FHOD3: variants seen among roughly 807,000 people sequenced by gnomAD.
The protein encoded by FHOD3 is FH1/FH2 domain-containing protein 3.
In FHOD3, 90 loss-of-function variants were observed where a neutral mutation model predicts 173.0. The observed-to-expected ratio is 0.52, with a 90% CI of 0.44 to 0.62. FHOD3 has a LOEUF of 0.62. Among genes scored for constraint, FHOD3 ranks in the 20% least tolerant of loss-of-function variants. The pLI is 0.00. For synonymous variants in FHOD3, 828 were observed against 823.0 expected, an observed-to-expected ratio of 1.01 and a Z score of -0.10; for missense variants, 1,945 against 2,034.7, an observed-to-expected ratio of 0.96 and a Z score of 0.85.
At chr18:36,312,843 ATATT>A (rs1349196317) in intron 1 of FHOD3, among the ~76,000 whole-genome samples, 47 of 152,326 alleles carry the variant, frequency 3.1e-4, no homozygotes, top group African/African-American at 1.0e-3. Context: ...TCAAACAATC[ATATT>A]TATTATCTCT....
At chr18:36,390,893 C>A (rs1191528933) in intron 3 of FHOD3, among the ~76,000 whole-genome samples, 1 of 152,180 alleles carries the variant, frequency 6.6e-6, no homozygotes, top group African/African-American at 2.4e-5. Context: ...CACCTGTAAT[C>A]CGTAAATGAA....
intron 5 of FHOD3, among the ~76,000 whole-genome samples, chr18:36,520,279 CTTAAGTATAAG>C (rs2056209859): frequency 6.6e-6 from 1 of 152,084 alleles, no homozygotes; most frequent in East Asian, 1.9e-4. Context: ...TGTAATTTTT[CTTAAGTATAAG>C]TTAATTATGA....
chr18:36,563,717 A>G (rs996369141), intron 5 of FHOD3, among the ~76,000 whole-genome samples: 2 of 152,162 alleles, frequency 1.3e-5, no homozygotes, highest in Non-Finnish European at 1.5e-5. Flanking sequence ...AGCAAAAATC[A>G]GGGGAACTAT....
chr18:36,375,686 A>G (rs2047405893), intron 3 of FHOD3, among the ~76,000 whole-genome samples: 2 of 152,190 alleles, frequency 1.3e-5, no homozygotes, highest in South Asian at 4.1e-4. Flanking sequence ...TTAGCAGCCC[A>G]GCAACCCTCA....
rs374333481 is a variant in FHOD3, at chr18:36,460,506, T to C, written c.338-41426T>C. On this transcript the variant is annotated intron_variant, in intron 3 of 28. Transcript: ENST00000590592. ...GTGATGTGCTAACCCGGAGGTCCTT[T>C]TTCCAGGGAGCATTACTGTAAGCTG... Among the ~76,000 whole-genome samples, 20 of 152,322 alleles carry C rather than the reference T, an allele frequency of 1.3e-4. No homozygotes were observed. In the East Asian group the frequency reaches 2.5e-3, roughly 19 times the overall value.
At chr18:36,402,652 T>C (rs1266475635) in intron 3 of FHOD3, among the ~76,000 whole-genome samples, 1 of 152,122 alleles carries the variant, frequency 6.6e-6, no homozygotes, top group Non-Finnish European at 1.5e-5. Context: ...TCCAGTGCTC[T>C]TTCCCTGACA....
rs368006151 is a variant in FHOD3, at chr18:36,625,672, C to T, written c.1119C>T (p.Thr373=). 4 of 1,612,244 alleles carry T rather than the reference C, an allele frequency of 2.5e-6. No individual in the cohort carries two copies. The African/African-American group carries it at 5.3e-5, about 22-fold the overall frequency. Residue 373 remains threonine, a synonymous_variant, in exon 10 of 29, where the codon ACC becomes ACT. Transcript: ENST00000590592. ...RRHSVQSIKS[T]LSAPTSPCSQ... is the part of the protein sequence containing the mutation. ...ACTCGGTGCAGAGCATCAAGAGCACCCTGTCGGCCCCCACCAGTCCCTGCT... is the reference window on the plus strand; with the variant it reads ...ACTCGGTGCAGAGCATCAAGAGCACTCTGTCGGCCCCCACCAGTCCCTGCT...
chr18:36,399,782 C>T (rs1829706884), intron 3 of FHOD3, among the ~76,000 whole-genome samples: 1 of 152,186 alleles, frequency 6.6e-6, no homozygotes, highest in Admixed American at 6.5e-5. Context: ...CCAGGATCAA[C>T]TGTTTATAGC....
At position 36,760,640 on chromosome 18, in the gene FHOD3, C is replaced by G; in HGVS notation, c.4482C>G (p.Pro1494=). The G allele has an allele frequency of 6.3e-7, 1 of 1,594,238 alleles. No homozygotes were observed. ...SGKFSGSSPA[P]PSQPQGLSYA... is the part of the protein sequence containing the mutation. ...AGTTCTCCGGCAGTTCTCCGGCGCCCCCAAGCCAGCCGCAGGGTCTGAGCT... is the reference window on the plus strand; with the variant it reads ...AGTTCTCCGGCAGTTCTCCGGCGCCGCCAAGCCAGCCGCAGGGTCTGAGCT... The change falls in exon 27 of 29, where the codon CCC becomes CCG. Residue 1494 remains proline (P), a synonymous_variant. Transcript: ENST00000590592.
At chr18:36,707,751 A>G (rs1221083062) in intron 17 of FHOD3, among the ~76,000 whole-genome samples, 2 of 152,140 alleles carry the variant, frequency 1.3e-5, no homozygotes, top group East Asian at 3.9e-4. Flanking sequence ...GTGCCGCAGG[A>G]TGCCTCCACA....
At chr18:36,610,689 T>A (rs985671019) in intron 8 of FHOD3, among the ~76,000 whole-genome samples, 1 of 152,246 alleles carries the variant, frequency 6.6e-6, no homozygotes, top group Non-Finnish European at 1.5e-5. Flanking sequence ...CCAACACTGA[T>A]AGCCCCAAGA....
chr18:36,361,759 G>A (rs186523798), intron 2 of FHOD3, among the ~76,000 whole-genome samples: 24 of 151,510 alleles, frequency 1.6e-4, no homozygotes, highest in Non-Finnish European at 1.5e-4. Flanking sequence ...AACCTGCAGC[G>A]TAGGCTCTCA....
chr18:36,311,491 T>C (rs773605195), intron 1 of FHOD3, among the ~76,000 whole-genome samples: 1 of 152,206 alleles, frequency 6.6e-6, no homozygotes, highest in Non-Finnish European at 1.5e-5. Context: ...CTTCGGACAG[T>C]AGCACCTCCC....
chr18:36,747,523 G>A (rs1201955990), intron 24 of FHOD3, among the ~76,000 whole-genome samples: 4 of 152,204 alleles, frequency 2.6e-5, no homozygotes, highest in African/African-American at 7.2e-5. Context: ...TACCTGATCT[G>A]CAGCTGGCCT....
At chr18:36,592,918 T>G (rs1045818884) in intron 6 of FHOD3, among the ~76,000 whole-genome samples, 9 of 151,892 alleles carry the variant, frequency 5.9e-5, no homozygotes, top group African/African-American at 1.9e-4. Flanking sequence ...AGGCCTGGAG[T>G]GCAATATTTA....
rs57041859 is a variant in FHOD3 at position 36,716,914 on chromosome 18, ATGTGTGTGTGTGTG to A, written c.2534-892_2534-879del. Among the ~76,000 whole-genome samples, 123 of 136,912 alleles carry A rather than the reference ATGTGTGTGTGTGTG, an allele frequency of 9.0e-4. 1 individual carries two copies. Among genetic ancestry groups the A allele is most frequent in the East Asian group, 6.4e-3 (29 of 4,512 alleles). The allele number at this position is 136,912 out of a possible 152,430, so 89.8% of individuals were successfully genotyped here. The stretch of plus-strand genomic sequence containing the variant: ...AAGACGGGGGAAATTATATATGTGT[ATGTGTGTGTGTGTG>A]TGTGTGTGTGTGTGTGTGTGTGTGT... On this transcript the variant is annotated intron_variant, in intron 18 of 28. Coordinates refer to ENST00000590592, the MANE Select transcript of FHOD3 (RefSeq NM_001281740.3).
intron 24 of FHOD3, among the ~76,000 whole-genome samples, chr18:36,754,298 T>C (rs1477392953): frequency 6.6e-6 from 1 of 152,266 alleles, no homozygotes. Context: ...TCAAAATTTT[T>C]TGTCTATAAA....
intron 1 of FHOD3, among the ~76,000 whole-genome samples, chr18:36,338,290 C>T (rs1167758642): frequency 6.6e-6 from 1 of 152,130 alleles, no homozygotes; most frequent in Non-Finnish European, 1.5e-5. Flanking sequence ...TACTTGGTAG[C>T]CTGTGCTTGG....
chr18:36,475,350 A>AT (rs2053506515), intron 3 of FHOD3, among the ~76,000 whole-genome samples: 1 of 151,794 alleles, frequency 6.6e-6, no homozygotes. Context: ...GGCTGCTGGC[A>AT]TTTTTGGCCA....
Sources: gnomAD v4.1 joint callset for allele counts (sites outside exome capture counted in the v4.1 genomes callset) on GRCh38, gnomAD v4.1.1 for gene constraint, MANE v1.5 for transcripts, NCBI Gene and HGNC (gene_info 2026-07-23, HGNC 2026-07-21) for gene names.